RABEP1: variants seen among roughly 807,000 people sequenced by gnomAD.
RABEP1 encodes rabaptin, RAB GTPase binding effector protein 1.
Under a neutral mutation model 123.4 loss-of-function variants are expected in RABEP1, and 51 were observed. The ratio of observed to expected loss-of-function variants is 0.41; its 90% CI spans 0.33 to 0.52. RABEP1 has a LOEUF of 0.52. Ranked by LOEUF, RABEP1 falls within the 20% of genes least tolerant of loss-of-function variation. The pLI is 0.16. For synonymous variants in RABEP1, 347 were observed against 355.2 expected, an observed-to-expected ratio of 0.98 and a Z score of 0.26; for missense variants, 888 against 996.3, an observed-to-expected ratio of 0.89 and a Z score of 1.46.
intron 1 of RABEP1, among the ~76,000 whole-genome samples, chr17:5,302,877 T>A (rs1156658964): frequency 1.3e-5 from 2 of 152,030 alleles, no homozygotes; most frequent in African/African-American, 2.4e-5. Context: ...ACTGTGAGTT[T>A]CTTAAGAGCA....
intron 5 of RABEP1, among the ~76,000 whole-genome samples, chr17:5,345,297 CATTTTTCTGAAT>C (rs34086127): frequency 0.29 from 44,008 of 152,012 alleles, 6,669 homozygotes; most frequent in African/African-American, 0.38. Flanking sequence ...ATACCACGTA[CATTTTTCTGAAT>C]AGGTGGCTTT....
At chr17:5,333,655 T>A (rs186408698) in intron 3 of RABEP1, among the ~76,000 whole-genome samples, 1 of 152,260 alleles carries the variant, frequency 6.6e-6, no homozygotes, top group African/African-American at 2.4e-5. Flanking sequence ...CTTACCAAAT[T>A]AGGAGTTCCT....
rs772857905 is a variant in RABEP1 at position 5,354,494 on chromosome 17, T to C, written c.1095+4T>C. ...AGCCCAGTTATCAAATGAAGAGGTA[T>C]AGTGAGTCTATAATTAAAGTCATTA... On this transcript the variant is annotated splice_donor_region_variant and intron_variant, in intron 8 of 17. Coordinates refer to ENST00000537505, the MANE Select transcript of RABEP1 (RefSeq NM_004703.6). The C allele has an allele frequency of 1.3e-6, 2 of 1,599,508 alleles. No individual in the cohort carries two copies. Among genetic ancestry groups the C allele is most frequent in the Middle Eastern group, 1.8e-4 (1 of 5,712 alleles).
chr17:5,350,951 C>G (rs532739872), intron 7 of RABEP1, among the ~76,000 whole-genome samples: 2 of 152,140 alleles, frequency 1.3e-5, no homozygotes, highest in Non-Finnish European at 2.9e-5. Flanking sequence ...TCAAGCTTGT[C>G]CAACCTGCAG....
intron 1 of RABEP1, among the ~76,000 whole-genome samples, chr17:5,297,564 T>TTA (rs1171172187): frequency 6.6e-6 from 1 of 152,220 alleles, no homozygotes; most frequent in African/African-American, 2.4e-5. Context: ...TATCAATAGG[T>TTA]TAGCTTAATC....
At chr17:5,308,925 T>C (rs1208400596) in intron 2 of RABEP1, 103 bp downstream of exon 2, 7 of 1,163,524 alleles carry the variant, frequency 6.0e-6, no homozygotes, top group Middle Eastern at 2.5e-4. Context: ...ACCTTGATTT[T>C]ATTTGTACTT....
At chr17:5,365,804 G>A (rs1909956724) in intron 11 of RABEP1, among the ~76,000 whole-genome samples, 1 of 152,206 alleles carries the variant, frequency 6.6e-6, no homozygotes, top group Admixed American at 6.5e-5. Context: ...TTGCGTCTGT[G>A]TTCCTCCGTT....
intron 1 of RABEP1, among the ~76,000 whole-genome samples, chr17:5,294,941 C>T (rs377626148): frequency 7.3e-5 from 11 of 150,928 alleles, no homozygotes; most frequent in South Asian, 6.3e-4. Context: ...CCACCGTGCC[C>T]GGCCAACGGT....
intron 12 of RABEP1, chr17:5,371,752 T>G (rs1910547053): frequency 6.6e-6 from 1 of 152,248 alleles, no homozygotes; most frequent in Non-Finnish European, 1.5e-5. Flanking sequence ...AGGTACCCCT[T>G]TGTCCTTTTA....
chr17:5,333,056 C>A (rs149518637), intron 3 of RABEP1, among the ~76,000 whole-genome samples: 51 of 152,284 alleles, frequency 3.3e-4, no homozygotes, highest in African/African-American at 1.2e-3. Context: ...TCTCAGACTC[C>A]TTTTGGCACT....
intron 2 of RABEP1, 125 bp from the exon 3 acceptor site, chr17:5,331,824 C>A: frequency 3.8e-6 from 3 of 785,134 alleles, no homozygotes; most frequent in Non-Finnish European, 4.0e-6. Flanking sequence ...CCTTAAATCT[C>A]ACCTCTATTA....
chr17:5,336,910 C>G (rs948883428), intron 4 of RABEP1, among the ~76,000 whole-genome samples: 21 of 152,224 alleles, frequency 1.4e-4, no homozygotes, highest in Non-Finnish European at 2.4e-4. Flanking sequence ...ATCCCCCTCA[C>G]GTTTGGGCAT....
At chr17:5,361,163 C>A (rs778141395) in intron 8 of RABEP1, 45 bp from the exon 9 acceptor site, 3 of 1,520,528 alleles carry the variant, frequency 2.0e-6, no homozygotes, top group South Asian at 1.2e-5. Context: ...TCTTTAAAAA[C>A]GCAGAGAATT....
At chr17:5,354,058 G>T (rs1258060157) in intron 7 of RABEP1, among the ~76,000 whole-genome samples, 1 of 151,820 alleles carries the variant, frequency 6.6e-6, no homozygotes, top group Non-Finnish European at 1.5e-5. Context: ...TTTTTTCAAG[G>T]ATCATTTGAA....
chr17:5,311,549 T>G (rs910779919), intron 2 of RABEP1, among the ~76,000 whole-genome samples: 1 of 151,376 alleles, frequency 6.6e-6, no homozygotes, highest in Non-Finnish European at 1.5e-5. Context: ...ATACAAAAAT[T>G]AGAAGGCATG....
intron 1 of RABEP1, among the ~76,000 whole-genome samples, chr17:5,293,997 A>G (rs1234134441): frequency 2.0e-5 from 3 of 152,168 alleles, no homozygotes; most frequent in Non-Finnish European, 4.4e-5. Context: ...GATAAAATTT[A>G]TATTGCCCAT....
chr17:5,351,897 T>C (rs1036900052), intron 7 of RABEP1, among the ~76,000 whole-genome samples: 1 of 152,086 alleles, frequency 6.6e-6, no homozygotes, highest in Non-Finnish European at 1.5e-5. Flanking sequence ...ATGCACCATA[T>C]TGATTTACCC....
intron 1 of RABEP1, among the ~76,000 whole-genome samples, chr17:5,285,607 A>C (rs956246582): frequency 6.6e-6 from 1 of 152,210 alleles, no homozygotes. Flanking sequence ...ACTCATGGTT[A>C]TATGGCCATG....
chr17:5,308,149 C>T (rs2075198084), intron 1 of RABEP1, among the ~76,000 whole-genome samples: 1 of 151,552 alleles, frequency 6.6e-6, no homozygotes, highest in South Asian at 2.1e-4. Flanking sequence ...GGAAGTTGGC[C>T]TTATGTGATT....
Sources: gnomAD v4.1 joint callset for allele counts (sites outside exome capture counted in the v4.1 genomes callset) on GRCh38, gnomAD v4.1.1 for gene constraint, MANE v1.5 for transcripts, NCBI Gene and HGNC (gene_info 2026-07-23, HGNC 2026-07-21) for gene names.